The following FHIT variants were observed in gnomAD, a reference collection of about 807,000 sequenced individuals.
FHIT encodes bis(5'-adenosyl)-triphosphatase.
In FHIT, 19 loss-of-function variants were observed where a neutral mutation model predicts 17.9. The ratio of observed to expected loss-of-function variants is 1.06; its 90% confidence interval spans 0.74 to 1.56. The LOEUF is 1.56. FHIT is among the 40% of genes most tolerant of loss of function. The probability of loss-of-function intolerance (pLI) is 0.00; values close to 1 mark genes in which losing one functional copy is unlikely to be tolerated. For missense variants in FHIT, 248 were observed against 189.2 expected (o/e 1.31, Z -1.82); for synonymous variants, 81 against 69.7 (o/e 1.16, Z -0.81).
intron 5 of FHIT, among the ~76,000 whole-genome samples, chr3:60,445,432 C>A (rs988584051): frequency 6.6e-6 from 1 of 151,124 alleles, no homozygotes; most frequent in Non-Finnish European, 1.5e-5. Flanking sequence ...AAAGAAAGCA[C>A]ACTGCTGTGA....
Position 60,949,998 on chromosome 3 carries a change from G to A in FHIT, c.-111+92049C>T, listed in dbSNP as rs141495868. Among the ~76,000 whole-genome samples, 7 of 152,194 alleles carry A rather than the reference G, an allele frequency of 4.6e-5. No individual in the cohort carries two copies. The South Asian group carries it at 6.2e-4, about 14-fold the overall frequency. ...AATGACAGACCACATATATGATATC[G>A]ATCCCATAAGATTATAATGGAGCTA... On this transcript the variant is annotated intron_variant, in intron 3 of 9. Transcript: ENST00000492590.
chr3:61,090,531 C>A (rs576353067), intron 2 of FHIT, among the ~76,000 whole-genome samples: 1 of 152,284 alleles, frequency 6.6e-6, no homozygotes, highest in South Asian at 2.1e-4. Flanking sequence ...AGATGTTTAT[C>A]CAAATTCACC....
chr3:60,569,755 A>ATATATATATATATTTTTTTTT, intron 4 of FHIT, among the ~76,000 whole-genome samples: 1 of 77,344 alleles, frequency 1.3e-5, no homozygotes, highest in African/African-American at 4.8e-5. Flanking sequence ...ATATATATAT[A>ATATATATATATATTTTTTTTT]TTTTTTTTTT....
chr3:60,409,638 G>A (rs918779126), intron 5 of FHIT, among the ~76,000 whole-genome samples: 1 of 152,118 alleles, frequency 6.6e-6, no homozygotes, highest in Non-Finnish European at 1.5e-5. Context: ...GTTTACTCAA[G>A]CCATTTGAAA....
At chr3:60,195,995 C>G (rs1702623191) in intron 5 of FHIT, among the ~76,000 whole-genome samples, 1 of 152,166 alleles carries the variant, frequency 6.6e-6, no homozygotes, top group East Asian at 1.9e-4. Flanking sequence ...CATCACATAA[C>G]CAAAACCTAC....
intron 8 of FHIT, among the ~76,000 whole-genome samples, chr3:59,822,092 C>A (rs1489439899): frequency 1.3e-5 from 2 of 152,162 alleles, no homozygotes; most frequent in African/African-American, 2.4e-5. Flanking sequence ...GAATAATAGT[C>A]CCCAGTTCCA....
At chr3:61,193,066 C>G (rs1001323932) in intron 2 of FHIT, among the ~76,000 whole-genome samples, 3 of 152,208 alleles carry the variant, frequency 2.0e-5, no homozygotes, top group African/African-American at 7.2e-5. Flanking sequence ...TCCCCTAAAT[C>G]CAGTCTCCAT....
chr3:60,024,307 G>A (rs555119932), intron 5 of FHIT, among the ~76,000 whole-genome samples: 15 of 152,234 alleles, frequency 9.9e-5, no homozygotes, highest in Admixed American at 7.2e-4. Flanking sequence ...ATGAATCAAC[G>A]TCTTTCTCTC....
rs186138310 is a variant in FHIT, at chr3:60,563,359, T to G, written c.-17-26380A>C. Among the ~76,000 whole-genome samples, 325 of 152,332 alleles carry G rather than the reference T, an allele frequency of 2.1e-3. 3 individuals are homozygous for G. The highest frequency in any genetic ancestry group is 3.5e-3 in the Admixed American group (54 of 15,292). ...CATTTCACTGCATTTTGCTTTACTG[T>G]GCTTCTCAGATATTGCATTTTTAGA... On this transcript the variant is annotated intron_variant, in intron 4 of 9. Transcript: ENST00000492590.
chr3:60,366,187 C>A (rs1559856657), intron 5 of FHIT, among the ~76,000 whole-genome samples: 1 of 152,126 alleles, frequency 6.6e-6, no homozygotes, highest in Non-Finnish European at 1.5e-5. Flanking sequence ...AGTCCCTCCG[C>A]CTTTTTGAGA....
At chr3:60,526,578 T>G (rs939890079) in intron 5 of FHIT, among the ~76,000 whole-genome samples, 7 of 152,238 alleles carry the variant, frequency 4.6e-5, no homozygotes, top group Middle Eastern at 3.4e-3. Context: ...GGAACACTAC[T>G]CCTCTTCAGT....
intron 5 of FHIT, among the ~76,000 whole-genome samples, chr3:60,297,790 G>T (rs1708280358): frequency 6.6e-6 from 1 of 152,014 alleles, no homozygotes; most frequent in Admixed American, 6.6e-5. Context: ...GGGTATCCTA[G>T]AATTCAATTC....
chr3:60,626,323 T>A (rs1401983191), intron 4 of FHIT, among the ~76,000 whole-genome samples: 3 of 152,218 alleles, frequency 2.0e-5, no homozygotes, highest in Non-Finnish European at 4.4e-5. Context: ...TTTTGGCACT[T>A]TTAACAATAA....
At chr3:59,932,180 C>T (rs979070029) in intron 7 of FHIT, among the ~76,000 whole-genome samples, 3 of 152,146 alleles carry the variant, frequency 2.0e-5, no homozygotes, top group Non-Finnish European at 4.4e-5. Context: ...ATCTTCCACA[C>T]TGCAAGCCTG....
intron 5 of FHIT, among the ~76,000 whole-genome samples, chr3:60,208,587 C>A (rs1275191759): frequency 1.3e-5 from 2 of 152,196 alleles, no homozygotes; most frequent in South Asian, 4.1e-4. Flanking sequence ...TAGGAACCAA[C>A]TCATTCTTTC....
intron 7 of FHIT, among the ~76,000 whole-genome samples, chr3:59,943,415 G>A (rs1706632518): frequency 6.6e-6 from 1 of 152,142 alleles, no homozygotes; most frequent in African/African-American, 2.4e-5. Context: ...AAAAGAGGAA[G>A]AAGAACATGA....
At chr3:59,821,351 G>A (rs936824) in intron 8 of FHIT, among the ~76,000 whole-genome samples, 224 of 152,318 alleles carry the variant, frequency 1.5e-3, no homozygotes, top group Middle Eastern at 0.01. Flanking sequence ...GGCTCATGTC[G>A]GGGTAAAGAG....
Position 60,614,842 on chromosome 3 carries a change from GT to G in FHIT, c.-17-77864del, listed in dbSNP as rs1340171852. 3.5e-3 allele frequency among the ~76,000 whole-genome samples: 208 copies of G among 59,556 alleles called. 21 individuals carry two copies. Among genetic ancestry groups the G allele is most frequent in the Admixed American group, 7.8e-3 (33 of 4,248 alleles). The allele number at this position is 59,556 out of a possible 152,430, so 39.1% of individuals were successfully genotyped here. ...TTTGTTTTTTTTTTGTTTTTTTTTT[GT>G]TTTTTGAGATGGAGCCCTGCTCTGT... On this transcript the variant is annotated intron_variant, in intron 4 of 9. Coordinates refer to ENST00000492590, the MANE Select transcript of FHIT (RefSeq NM_002012.4).
At chr3:60,359,277 C>CTT (rs71089599) in intron 5 of FHIT, among the ~76,000 whole-genome samples, 11,757 of 109,836 alleles carry the variant, frequency 0.11, 997 homozygotes, top group Non-Finnish European at 0.15. Flanking sequence ...ATGAAAATAT[C>CTT]TTTTTTTTTT....
Sources: allele counts gnomAD v4.1 joint callset (sites outside exome capture counted in the v4.1 genomes callset), GRCh38; gene constraint gnomAD v4.1.1; transcripts MANE v1.5; gene names NCBI Gene and HGNC (gene_info 2026-07-23, HGNC 2026-07-21).